PREX1: variants seen among roughly 807,000 people sequenced by gnomAD.
The protein encoded by PREX1 is phosphatidylinositol 3,4,5-trisphosphate-dependent Rac exchanger 1 protein.
Under a neutral mutation model 198.3 loss-of-function variants are expected in PREX1, and 41 were observed. The ratio of observed to expected loss-of-function variants is 0.21; its 90% CI spans 0.16 to 0.27. The LOEUF is 0.27. PREX1 is among the 10% of genes least tolerant of loss of function. PREX1 has a pLI of 1.00. For missense variants in PREX1, 1,620 were observed against 2,200.7 expected (o/e 0.74, Z 5.28); for synonymous variants, 843 against 887.2 (o/e 0.95, Z 0.89).
At chr20:48,881,512 G>T in the PREX1 span, among the ~76,000 whole-genome samples, 1 of 149,148 alleles carries the variant, frequency 6.7e-6, no homozygotes, top group African/African-American at 2.5e-5. Flanking sequence ...TTTGAGACAG[G>T]GTCTCACTCT....
intron 25 of PREX1, 132 bp downstream of exon 25, chr20:48,649,168 T>C (rs2089472601): frequency 2.7e-5 from 35 of 1,301,698 alleles, no homozygotes; most frequent in Non-Finnish European, 3.3e-5. Context: ...AAAAAGATAC[T>C]GCTAAATAGC....
intron 27 of PREX1, among the ~76,000 whole-genome samples, chr20:48,643,708 C>CAGAG (rs2089430855): frequency 1.3e-5 from 2 of 151,964 alleles, no homozygotes; most frequent in South Asian, 4.1e-4. Context: ...GAGTCTCACT[C>CAGAG]TGTCACCCAG....
At chr20:48,887,686 C>A in the PREX1 span, among the ~76,000 whole-genome samples, 336 of 151,808 alleles carry the variant, frequency 2.2e-3, 1 homozygote, top group African/African-American at 7.6e-3. Flanking sequence ...GTGATTCACG[C>A]CTGTAATCCC....
At chr20:48,639,915 G>A (rs1471279812) in intron 29 of PREX1, 21 bp from the exon 30 acceptor site, 7 of 1,612,942 alleles carry the variant, frequency 4.3e-6, no homozygotes, top group Non-Finnish European at 5.9e-6. Context: ...AAAGTGGCAT[G>A]AGGGCCAGGG....
intron 32 of PREX1, 140 bp downstream of exon 32, chr20:48,636,323 C>T (rs2089362837): frequency 1.2e-6 from 1 of 868,352 alleles, no homozygotes. Context: ...AAACAGCACA[C>T]AGGTGCTCAA....
intron 1 of PREX1, among the ~76,000 whole-genome samples, chr20:48,817,970 G>A (rs976335745): frequency 4.6e-5 from 7 of 151,998 alleles, no homozygotes; most frequent in African/African-American, 7.2e-5. Context: ...TAGCTAGTGG[G>A]AAAAAAACAA....
chr20:48,779,693 CA>C (rs1328073392), intron 1 of PREX1, among the ~76,000 whole-genome samples: 1 of 152,130 alleles, frequency 6.6e-6, no homozygotes, highest in Non-Finnish European at 1.5e-5. Flanking sequence ...TTGATACACA[CA>C]ACAATGCAGA....
chr20:48,820,370 G>A (rs1462755707), intron 1 of PREX1, among the ~76,000 whole-genome samples: 1 of 152,154 alleles, frequency 6.6e-6, no homozygotes, highest in African/African-American at 2.4e-5. Context: ...ACTCAGAGAG[G>A]CAAAGCAACA....
intron 1 of PREX1, among the ~76,000 whole-genome samples, chr20:48,761,447 A>G (rs1440989967): frequency 6.6e-6 from 1 of 152,142 alleles, no homozygotes; most frequent in East Asian, 1.9e-4. Flanking sequence ...TAATTAGTCA[A>G]TCAATCATCT....
intron 3 of PREX1, among the ~76,000 whole-genome samples, chr20:48,736,882 AAGG>A (rs1277312634): frequency 2.0e-5 from 3 of 152,110 alleles, no homozygotes; most frequent in African/African-American, 7.2e-5. Context: ...TGTAAGTGCC[AAGG>A]AGAAGTTCTG....
intron 10 of PREX1, among the ~76,000 whole-genome samples, chr20:48,683,275 C>T (rs1379527566): frequency 6.6e-6 from 1 of 152,202 alleles, no homozygotes; most frequent in Non-Finnish European, 1.5e-5. Flanking sequence ...GGAAGTATCC[C>T]ACAGCAGCTG....
At chr20:48,688,128 T>C (rs2089796140) in intron 10 of PREX1, among the ~76,000 whole-genome samples, 1 of 152,130 alleles carries the variant, frequency 6.6e-6, no homozygotes, top group Non-Finnish European at 1.5e-5. Flanking sequence ...CCTACCTTTA[T>C]TCTTCCAGCC....
At position 48,775,064 on chromosome 20, in the gene PREX1, C is replaced by T. The variant is rs768988188; in HGVS notation, c.220-27184G>A. Among the ~76,000 whole-genome samples the T allele has an allele frequency of 3.3e-5, 5 of 152,194 alleles. No homozygotes were observed. In the South Asian group the frequency reaches 6.2e-4, roughly 19 times the overall value. On this transcript the variant is annotated intron_variant, in intron 1 of 39. Transcript: ENST00000371941. The stretch of plus-strand genomic sequence containing the variant: ...CACCTATACCACACCCTTGCTCACA[C>T]GGTTTCCACCACCGCACACGCTGCT...
At chr20:48,848,737 T>A in the PREX1 span, among the ~76,000 whole-genome samples, 1 of 152,148 alleles carries the variant, frequency 6.6e-6, no homozygotes, top group Non-Finnish European at 1.5e-5. Flanking sequence ...TATAGATATA[T>A]AACATTTTTA....
At chr20:48,828,216 T>G (rs1178167785), upstream of PREX1, among the ~76,000 whole-genome samples, 1 of 150,860 alleles carries the variant, frequency 6.6e-6, no homozygotes, top group African/African-American at 2.4e-5. Context: ...CGTCGGAAGC[T>G]CGGGGGTCGG....
At chr20:48,731,788 C>T (rs1017768358) in intron 4 of PREX1, among the ~76,000 whole-genome samples, 6 of 152,204 alleles carry the variant, frequency 3.9e-5, no homozygotes, top group African/African-American at 1.4e-4. Context: ...CTGCCCAGAC[C>T]GGCCCACCCA....
intron 36 of PREX1, 55 bp from the exon 37 acceptor site, chr20:48,629,676 C>A: frequency 6.4e-7 from 1 of 1,566,432 alleles, no homozygotes. Flanking sequence ...CACAGCCCCT[C>A]AGCCCCCATC....
the PREX1 span, among the ~76,000 whole-genome samples, chr20:48,876,810 C>T: frequency 9.9e-5 from 15 of 152,116 alleles, no homozygotes; most frequent in African/African-American, 3.1e-4. Context: ...TATCTATTTC[C>T]ATCACTTAAC....
chr20:48,739,436 T>A (rs1177219118), intron 3 of PREX1, among the ~76,000 whole-genome samples: 1 of 152,248 alleles, frequency 6.6e-6, no homozygotes, highest in Non-Finnish European at 1.5e-5. Flanking sequence ...TACCTGAAAT[T>A]CCAATTTCCC....
Sources: gnomAD v4.1 joint callset for allele counts (sites outside exome capture counted in the v4.1 genomes callset) on GRCh38, gnomAD v4.1.1 for gene constraint, MANE v1.5 for transcripts, NCBI Gene and HGNC (gene_info 2026-07-23, HGNC 2026-07-21) for gene names.